Variants in ATP2C1 observed in about 807,000 individuals in gnomAD.
ATP2C1 encodes ATPase secretory pathway Ca2+ transporting 1.
Under a neutral mutation model 120.5 loss-of-function variants are expected in ATP2C1, and 31 were observed. That is an observed-to-expected ratio of 0.26 (90% CI 0.19 to 0.35). ATP2C1 has a LOEUF of 0.35. Ranked by LOEUF, ATP2C1 falls within the 10% of genes least tolerant of loss-of-function variation. The probability of loss-of-function intolerance (pLI) is 1.00; values close to 1 mark genes in which losing one functional copy is unlikely to be tolerated. For synonymous variants in ATP2C1, 351 were observed against 358.7 expected, an observed-to-expected ratio of 0.98 and a Z score of 0.24; for missense variants, 731 against 1,107.5, an observed-to-expected ratio of 0.66 and a Z score of 4.83.
At chr3:130,995,255 A>G (rs972244926) in intron 22 of ATP2C1, among the ~76,000 whole-genome samples, 5 of 151,950 alleles carry the variant, frequency 3.3e-5, no homozygotes, top group African/African-American at 4.8e-5. Context: ...TCTCCAAACA[A>G]TACAAAAAAA....
At chr3:130,885,104 T>G (rs980729496) in intron 1 of ATP2C1, among the ~76,000 whole-genome samples, 1 of 152,090 alleles carries the variant, frequency 6.6e-6, no homozygotes, top group Non-Finnish European at 1.5e-5. Flanking sequence ...CAGCTAATTT[T>G]TGTATTTTTA....
intron 14 of ATP2C1, 118 bp downstream of exon 14, chr3:130,965,163 GTTA>G: frequency 1.4e-6 from 1 of 715,988 alleles, no homozygotes; most frequent in Non-Finnish European, 2.5e-6. Flanking sequence ...TAGTAGTGGA[GTTA>G]TTTTCTCTCT....
At chr3:130,932,720 A>G (rs2059499913) in intron 4 of ATP2C1, among the ~76,000 whole-genome samples, 1 of 152,148 alleles carries the variant, frequency 6.6e-6, no homozygotes, top group Admixed American at 6.5e-5. Flanking sequence ...AAAAAGTTAC[A>G]GGTTACTATG....
chr3:130,908,493 C>T (rs2058246887), intron 2 of ATP2C1, among the ~76,000 whole-genome samples: 1 of 151,546 alleles, frequency 6.6e-6, no homozygotes, highest in African/African-American at 2.4e-5. Flanking sequence ...ACCAGAAATA[C>T]TTGTATACAC....
At chr3:130,980,721 CTAAG>C in intron 20 of ATP2C1, 42 bp downstream of exon 20, 2 of 1,367,904 alleles carry the variant, frequency 1.5e-6, no homozygotes, top group Non-Finnish European at 2.1e-6. Context: ...AGGCCTTATT[CTAAG>C]TGTTACCATT....
At chr3:130,971,529 T>A (rs886394998) in intron 17 of ATP2C1, among the ~76,000 whole-genome samples, 6 of 152,160 alleles carry the variant, frequency 3.9e-5, no homozygotes, top group Non-Finnish European at 7.4e-5. Context: ...GGACTTTCAC[T>A]TGAACATGAC....
Position 130,940,642 on chromosome 3 carries a change from G to T in ATP2C1, c.373G>T (p.Glu125Ter). The change falls in exon 7 of 28, where the codon GAA (glutamate) becomes TAA (stop). Residue 125 changes from glutamate to a stop codon, truncating the protein, a stop_gained. Coordinates refer to ENST00000510168, the MANE Select transcript of ATP2C1 (RefSeq NM_001378687.1). LOFTEE classifies it high-confidence loss of function. ...TTTGTTTGAATAGGAATATCGTTCAGAAAAATCTCTTGAAGAATTGAGTAA... is the reference window on the plus strand; with the variant it reads ...TTTGTTTGAATAGGAATATCGTTCATAAAAATCTCTTGAAGAATTGAGTAA... Reference protein sequence around the residue: ...TVAFVQEYRSEKSLEELSKLV... With the variant: ...TVAFVQEYRS 1 of 1,611,248 alleles carries T rather than the reference G, an allele frequency of 6.2e-7. No individual in the cohort carries two copies. The highest frequency in any genetic ancestry group is 8.5e-7 in the Non-Finnish European group (1 of 1,177,770).
chr3:130,964,883 T>C, intron 13 of ATP2C1, 65 bp from the exon 14 acceptor site: 1 of 1,213,940 alleles, frequency 8.2e-7, no homozygotes, highest in Non-Finnish European at 1.2e-6. Flanking sequence ...CTTTGATTTG[T>C]TTTTTAAGTG....
chr3:130,919,068 C>T (rs2058820436), intron 2 of ATP2C1: 3 of 488,848 alleles, frequency 6.1e-6, no homozygotes, highest in Admixed American at 2.3e-5. Flanking sequence ...CTGCGTGGTG[C>T]ACGGCCCTCC....
chr3:130,917,369 C>CT (rs1183016982), intron 2 of ATP2C1, among the ~76,000 whole-genome samples: 6 of 151,898 alleles, frequency 4.0e-5, no homozygotes, highest in African/African-American at 9.7e-5. Flanking sequence ...AAAGACATTT[C>CT]TTTTTTTTAA....
intron 17 of ATP2C1, among the ~76,000 whole-genome samples, chr3:130,974,600 G>A (rs2061465434): frequency 6.6e-6 from 1 of 151,910 alleles, no homozygotes; most frequent in African/African-American, 2.4e-5. Flanking sequence ...GCAGCAAAGA[G>A]TCTTGTTGTA....
intron 14 of ATP2C1, 140 bp from the exon 15 acceptor site, chr3:130,967,005 G>T: frequency 1.4e-6 from 1 of 714,948 alleles, no homozygotes; most frequent in Non-Finnish European, 2.5e-6. Context: ...AAATTTTAAT[G>T]CTTTTCTAGG....
chr3:130,920,170 G>A (rs774675235), intron 2 of ATP2C1, among the ~76,000 whole-genome samples: 2 of 152,078 alleles, frequency 1.3e-5, no homozygotes, highest in African/African-American at 2.4e-5. Context: ...CTTTTGCTGC[G>A]TAGAAGCTTT....
intron 2 of ATP2C1, among the ~76,000 whole-genome samples, chr3:130,897,067 C>G (rs1377223787): frequency 6.6e-6 from 1 of 152,142 alleles, no homozygotes; most frequent in East Asian, 1.9e-4. Flanking sequence ...TATAAATTGC[C>G]TAGCTGAATG....
rs985718229 is a variant in ATP2C1, at chr3:130,871,024, C to T, written c.108+20096C>T. Among the ~76,000 whole-genome samples, 5 of 152,202 alleles carry T rather than the reference C, an allele frequency of 3.3e-5. No homozygotes were observed. The East Asian group carries it at 9.6e-4, about 29-fold the overall frequency. On this transcript the variant is annotated intron_variant, in intron 1 of 26. Coordinates refer to the ATP2C1 transcript ENST00000504381. The stretch of plus-strand genomic sequence containing the variant: ...ACGTCAAGGCGAGATCCCCTACCAG[C>T]CAAAATATTATGACTCATTGATGGT...
chr3:130,938,953 T>G (rs2059785137), intron 6 of ATP2C1, among the ~76,000 whole-genome samples: 1 of 152,236 alleles, frequency 6.6e-6, no homozygotes, highest in Admixed American at 6.5e-5. Context: ...AAGATAGTGT[T>G]GTTATACACA....
intron 17 of ATP2C1, among the ~76,000 whole-genome samples, chr3:130,970,369 T>TAAACACACACAC (rs1553772605): frequency 7.7e-6 from 1 of 130,696 alleles, no homozygotes; most frequent in African/African-American, 2.9e-5. Context: ...AAAAAAAAAT[T>TAAACACACACAC]ACACACACAC....
In ATP2C1 at chr3:130,979,674, TC is replaced by T. The variant is rs34517438; in HGVS notation, c.1741+256del. Among the ~76,000 whole-genome samples, 66,999 of 119,622 alleles carry T rather than the reference TC, an allele frequency of 0.56. 17,510 individuals carry two copies. The highest frequency in any genetic ancestry group is 0.71 in the Middle Eastern group (188 of 266). 78.5% of individuals were successfully genotyped at this position (119,622 alleles called of 152,430 possible). A position where few individuals can be genotyped will look rare whatever the true frequency, so the allele number is the denominator to read the frequency against. On this transcript the variant is annotated intron_variant, in intron 19 of 27. Coordinates refer to ENST00000510168, the MANE Select transcript of ATP2C1 (RefSeq NM_001378687.1). The stretch of plus-strand genomic sequence containing the variant: ...TTCACAGAAGGGTAATTATTTTTAA[TC>T]TCATGATCAACTGTGATGACAGAGT...
intron 17 of ATP2C1, among the ~76,000 whole-genome samples, chr3:130,972,667 A>G (rs1438028277): frequency 8.0e-6 from 1 of 125,492 alleles, no homozygotes; most frequent in African/African-American, 3.1e-5. Flanking sequence ...TCCTGTGTCC[A>G]TGTGTTCTCA....
Sources: gnomAD v4.1 joint callset for allele counts (sites outside exome capture counted in the v4.1 genomes callset) on GRCh38, gnomAD v4.1.1 for gene constraint, MANE v1.5 for transcripts, NCBI Gene and HGNC (gene_info 2026-07-23, HGNC 2026-07-21) for gene names.